PLA2G4C: variants seen among roughly 807,000 people sequenced by gnomAD.
PLA2G4C encodes phospholipase A2 group IVC, also known as cytosolic phospholipase A2 gamma.
A neutral mutation model predicts 73.8 loss-of-function variants in PLA2G4C; 64 were observed. The observed-to-expected ratio is 0.87, with a 90% CI of 0.71 to 1.07. PLA2G4C has a LOEUF of 1.07. PLA2G4C is among the 50% of genes least tolerant of loss of function. PLA2G4C has a pLI of 0.00. For synonymous variants in PLA2G4C, 254 were observed against 252.1 expected (o/e 1.01, Z -0.07); for missense variants, 622 against 665.4 (o/e 0.93, Z 0.72).
rs754862194 is a variant in PLA2G4C at position 48,048,382 on chromosome 19, G to T, written c.1587C>A (p.Tyr529Ter). The T allele has an allele frequency of 1.3e-5, 21 of 1,591,176 alleles. No homozygotes were observed. The highest frequency in any genetic ancestry group is 1.8e-5 in the Non-Finnish European group (21 of 1,172,122). ...LRELMNVAGL[Y>*]YPKDSARSCC... ...AACTTCGGGCACTATCCTTCGGGTA[G>T]TAGAGCCTGGGGAGAAAGGAAAGTT... The change falls in exon 17 of 17, where the codon TAC becomes TAA. Residue 529 changes from tyrosine (Y) to a stop codon, truncating the protein, a stop_gained. Transcript: ENST00000599921. LOFTEE classifies it low-confidence loss of function (END_TRUNC).
At chr19:48,081,575 T>C (rs1196486835) in intron 10 of PLA2G4C, among the ~76,000 whole-genome samples, 5 of 151,234 alleles carry the variant, frequency 3.3e-5, no homozygotes, top group Non-Finnish European at 1.5e-5. Flanking sequence ...CTGAGCAACA[T>C]GGAGAAACCC....
intron 7 of PLA2G4C, among the ~76,000 whole-genome samples, chr19:48,093,845 G>A (rs11564547): frequency 0.021 from 3,152 of 152,234 alleles, 108 homozygotes; most frequent in African/African-American, 0.071. Flanking sequence ...TCGTGATAGC[G>A]AGTGAGTTCT....
At chr19:48,074,590 A>G (rs974505071) in intron 12 of PLA2G4C, 177 bp downstream of exon 12, 1 of 617,698 alleles carries the variant, frequency 1.6e-6, no homozygotes, top group African/African-American at 1.9e-5. Context: ...ACTAATTTAC[A>G]TTGGGGGATT....
chr19:48,093,783 A>G (rs115930084), intron 7 of PLA2G4C, among the ~76,000 whole-genome samples: 105 of 152,242 alleles, frequency 6.9e-4, no homozygotes, highest in African/African-American at 2.4e-3. Context: ...GTTGAGGGAG[A>G]GACCTGGTGG....
Position 48,052,984 on chromosome 19 carries a change from G to A in PLA2G4C, c.1580+13C>T, listed in dbSNP as rs192191709. ...GAGCATAGGCATCAGAGCGACTATG[G>A]TCTCCCACCTACCCGGCCACGTTCA... On this transcript the variant is annotated intron_variant, in intron 16 of 16. Coordinates refer to ENST00000599921, the MANE Select transcript of PLA2G4C (RefSeq NM_003706.3). 1.6e-5 allele frequency: 26 copies of A among 1,597,784 alleles called. No individual in the cohort carries two copies. The African/African-American group carries it at 2.7e-4, about 16-fold the overall frequency.
chr19:48,049,512 A>T (rs992351137), intron 16 of PLA2G4C, among the ~76,000 whole-genome samples: 1 of 151,746 alleles, frequency 6.6e-6, no homozygotes, highest in African/African-American at 2.4e-5. Flanking sequence ...CCCCGGGAGG[A>T]GGTACATTCT....
At chr19:48,082,444 A>G (rs2030638065) in intron 10 of PLA2G4C, among the ~76,000 whole-genome samples, 1 of 149,214 alleles carries the variant, frequency 6.7e-6, no homozygotes, top group Admixed American at 6.6e-5. Context: ...AAATTTTTGA[A>G]TTGTCAATAA....
intron 3 of PLA2G4C, among the ~76,000 whole-genome samples, 191 bp downstream of exon 3, chr19:48,105,142 A>G (rs200839712): frequency 2.4e-5 from 3 of 123,592 alleles, no homozygotes; most frequent in African/African-American, 1.4e-4. Context: ...GGAGGAGGAG[A>G]AGGAGGAGAC....
intron 13 of PLA2G4C, chr19:48,063,931 C>T (rs1193398244): frequency 2.0e-5 from 3 of 151,778 alleles, no homozygotes; most frequent in Non-Finnish European, 4.4e-5. Flanking sequence ...AGGGTGAGTC[C>T]ACAGTGCAAA....
At chr19:48,104,526 G>A in intron 4 of PLA2G4C, 62 bp downstream of exon 4, 1 of 1,537,148 alleles carries the variant, frequency 6.5e-7, no homozygotes, top group Non-Finnish European at 9.0e-7. Flanking sequence ...TTTGGTGTCA[G>A]GAGGAAAAAA....
At chr19:48,051,871 ATTTTTTTTTTTTT>A (rs751616521) in intron 16 of PLA2G4C, 2 of 119,042 alleles carry the variant, frequency 1.7e-5, no homozygotes, top group African/African-American at 6.7e-5. Context: ...TTTCAGCTTA[ATTTTTTTTTTTTT>A]TTTTTTTTTT....
chr19:48,050,528 C>A (rs934726596), intron 16 of PLA2G4C, among the ~76,000 whole-genome samples: 1 of 152,102 alleles, frequency 6.6e-6, no homozygotes, highest in East Asian at 1.9e-4. Context: ...CAAAACTTAA[C>A]AGCAGCTTCC....
chr19:48,077,736 A>G, intron 11 of PLA2G4C, 35 bp downstream of exon 11: 2 of 1,519,190 alleles, frequency 1.3e-6, no homozygotes, highest in Non-Finnish European at 1.8e-6. Flanking sequence ...AGTCCACACT[A>G]TCATTAGGGA....
intron 6 of PLA2G4C, among the ~76,000 whole-genome samples, chr19:48,096,473 C>T (rs1328713141): frequency 6.6e-6 from 1 of 152,068 alleles, no homozygotes; most frequent in Non-Finnish European, 1.5e-5. Flanking sequence ...ATCCCAGCTA[C>T]TTGGGAGGCT....
Position 48,049,067 on chromosome 19 carries a change from T to C in PLA2G4C, c.1581-679A>G, listed in dbSNP as rs61364786. Among the ~76,000 whole-genome samples the C allele has an allele frequency of 9.3e-3, 1,413 of 152,214 alleles. 26 individuals carry two copies. The highest frequency in any genetic ancestry group is 0.032 in the African/African-American group (1,330 of 41,512). On this transcript the variant is annotated intron_variant, in intron 16 of 16. Transcript: ENST00000599921. ...AGCCCCCCTTCCCCTTCCACCAGGA[T>C]TGGATGCTCTCTGAAGCCTTCACCA...
rs1429855645 is a variant in PLA2G4C at position 48,098,182 on chromosome 19, A to T, written c.525T>A (p.Ile175=). 6.2e-7 allele frequency: 1 copy of T among 1,613,856 alleles called. No homozygotes were observed. Among genetic ancestry groups the T allele is most frequent in the South Asian group, 1.1e-5 (1 of 91,044 alleles). Residue 175 remains isoleucine, a synonymous_variant, in exon 6 of 17, where the codon ATT becomes ATA. Coordinates refer to ENST00000599921, the MANE Select transcript of PLA2G4C (RefSeq NM_003706.3). ...GCCAGGAAGGTTGCAGGTCATTGTC[A>T]ATGGCTGCAAATATTGGGTAGGGTA... ...GTLPYPIFAA[I]DNDLQPSWQE... is the part of the protein sequence containing the mutation.
Position 48,061,915 on chromosome 19 carries a change from C to T in PLA2G4C, c.1257+83G>A, listed in dbSNP as rs1968192196. ...CCTCCCCATTGCCCGCTTCCCAGCC[C>T]GCGTCCTCAGTTCCTCCGCAAAGTC... is the stretch of plus-strand genomic sequence containing the variant. On this transcript the variant is annotated intron_variant, in intron 14 of 16. Transcript: ENST00000599921. 30 of 1,415,504 alleles carry T rather than the reference C, an allele frequency of 2.1e-5. No individual in the cohort carries two copies. In the East Asian group the frequency reaches 3.1e-4, roughly 15 times the overall value. The allele number at this position is 1,415,504 out of a possible 1,614,324, so 87.7% of individuals were successfully genotyped here.
chr19:48,099,574 C>T, intron 5 of PLA2G4C, 97 bp downstream of exon 5: 1 of 824,622 alleles, frequency 1.2e-6, no homozygotes, highest in Non-Finnish European at 1.9e-6. Flanking sequence ...TCCTGAAGGA[C>T]TTAAAAGGTG....
rs1308682155 is a variant in PLA2G4C at position 48,057,474 on chromosome 19, C to CTTTTT, written c.1258-2426_1258-2425insAAAAA. On this transcript the variant is annotated intron_variant, in intron 14 of 16. Transcript: ENST00000599921. Reference sequence around the variant, plus strand: ...ACAAGTGTTTCTTCTTCTTCTTCTTCTTCTTCTTCTTTTTTTTTTTTTTTT... The same window carrying CTTTTT: ...ACAAGTGTTTCTTCTTCTTCTTCTTCTTTTTTTCTTCTTCTTTTTTTTTTTTTTTT... Among the ~76,000 whole-genome samples, 136 of 16,798 alleles carry CTTTTT rather than the reference C, an allele frequency of 8.1e-3. 1 individual carries two copies. Among genetic ancestry groups the CTTTTT allele is most frequent in the East Asian group, 0.026 (12 of 468 alleles). The allele number at this position is 16,798 out of a possible 152,430, so 11.0% of individuals were successfully genotyped here. A position where few individuals can be genotyped will look rare whatever the true frequency, so the allele number is the denominator to read the frequency against.
Sources: gnomAD v4.1 joint callset for allele counts (sites outside exome capture counted in the v4.1 genomes callset) on GRCh38, gnomAD v4.1.1 for gene constraint, MANE v1.5 for transcripts, NCBI Gene and HGNC (gene_info 2026-07-23, HGNC 2026-07-21) for gene names.